CNOT6L: variants seen among roughly 807,000 people sequenced by gnomAD.
The protein encoded by CNOT6L is CCR4-NOT transcription complex subunit 6-like.
Under a neutral mutation model 64.0 loss-of-function variants are expected in CNOT6L, and 7 were observed. The ratio of observed to expected loss-of-function variants is 0.11; its 90% CI spans 0.06 to 0.21. CNOT6L has a LOEUF of 0.21. Ranked by LOEUF, CNOT6L falls within the 10% of genes least tolerant of loss-of-function variation. CNOT6L has a pLI of 1.00. For missense variants in CNOT6L, 245 were observed against 669.0 expected (o/e 0.37, Z 6.99); for synonymous variants, 193 against 243.4 (o/e 0.79, Z 1.93).
intron 8 of CNOT6L, among the ~76,000 whole-genome samples, chr4:77,737,403 G>GTTTTTTTTTTTTTTTTTTTTTTTTTTTTT (rs1723076948): frequency 8.6e-6 from 1 of 116,038 alleles, no homozygotes; most frequent in African/African-American, 3.4e-5. Flanking sequence ...TATTTGTACC[G>GTTTTTTTTTTTTTTTTTTTTTTTTTTTTT]TTCTTTTTTT....
intron 5 of CNOT6L, among the ~76,000 whole-genome samples, chr4:77,753,049 G>A (rs1185193250): frequency 1.3e-5 from 2 of 151,316 alleles, no homozygotes; most frequent in Non-Finnish European, 2.9e-5. Context: ...ACAACTTTCG[G>A]CCCGTAAATT....
intron 11 of CNOT6L, among the ~76,000 whole-genome samples, chr4:77,722,934 A>G (rs1053555779): frequency 1.3e-5 from 2 of 152,002 alleles, no homozygotes; most frequent in Non-Finnish European, 2.9e-5. Context: ...CTATTATTGT[A>G]TAAGTCTATA....
intron 4 of CNOT6L, among the ~76,000 whole-genome samples, chr4:77,760,639 C>T (rs763471856): frequency 3.3e-5 from 5 of 150,442 alleles, no homozygotes; most frequent in Non-Finnish European, 5.9e-5. Flanking sequence ...AAAACTGATA[C>T]ATTTCTCTTT....
At chr4:77,810,842 T>G (rs900163598) in intron 1 of CNOT6L, among the ~76,000 whole-genome samples, 5 of 152,160 alleles carry the variant, frequency 3.3e-5, no homozygotes, top group Non-Finnish European at 5.9e-5. Flanking sequence ...TACTTTTTAC[T>G]TCTAAGAGAT....
At chr4:77,802,222 C>A (rs568198975) in intron 1 of CNOT6L, among the ~76,000 whole-genome samples, 2 of 152,122 alleles carry the variant, frequency 1.3e-5, no homozygotes, top group East Asian at 3.9e-4. Flanking sequence ...ACACCTTATA[C>A]ATACAATATA....
intron 1 of CNOT6L, among the ~76,000 whole-genome samples, chr4:77,804,058 T>C (rs1731934849): frequency 6.6e-6 from 1 of 152,062 alleles, no homozygotes; most frequent in Non-Finnish European, 1.5e-5. Flanking sequence ...AAAACATACG[T>C]CTTCACAAAA....
Position 77,714,351 on chromosome 4 carries a change from TCAC to T in CNOT6L, c.*6077_*6079del, listed in dbSNP as rs1230274812. ...GCACTTGTTATATAGTTGAAAAAAA[TCAC>T]AACAGAAGATATAAATTAATCGATG... is the stretch of plus-strand genomic sequence containing the variant. On this transcript the variant is annotated 3_prime_UTR_variant, in exon 12 of 12. Transcript: ENST00000504123. The T allele has an allele frequency of 1.9e-4, 27 of 141,918 alleles. No individual in the cohort carries two copies. Among genetic ancestry groups the T allele is most frequent in the Admixed American group, 6.6e-4 (9 of 13,680 alleles). The allele number at this position is 141,918 out of a possible 1,614,324, so 8.8% of individuals were successfully genotyped here.
At chr4:77,755,766 A>T (rs1043395176) in intron 5 of CNOT6L, among the ~76,000 whole-genome samples, 1 of 152,160 alleles carries the variant, frequency 6.6e-6, no homozygotes, top group Non-Finnish European at 1.5e-5. Flanking sequence ...AGAGAATTTT[A>T]AAAGAATATA....
At chr4:77,818,346 G>C (rs1381351431) in intron 1 of CNOT6L, among the ~76,000 whole-genome samples, 1 of 152,054 alleles carries the variant, frequency 6.6e-6, no homozygotes, top group Non-Finnish European at 1.5e-5. Context: ...TAGGAGGCAG[G>C]ATAAAACAAT....
intron 1 of CNOT6L, among the ~76,000 whole-genome samples, chr4:77,815,359 T>G (rs1733446400): frequency 6.6e-6 from 1 of 152,092 alleles, no homozygotes; most frequent in Non-Finnish European, 1.5e-5. Flanking sequence ...TCTGAAAAAT[T>G]TATATCTTTA....
At chr4:77,772,902 G>A (rs945781425) in intron 4 of CNOT6L, among the ~76,000 whole-genome samples, 179 bp downstream of exon 4, 12 of 152,104 alleles carry the variant, frequency 7.9e-5, no homozygotes, top group Admixed American at 2.6e-4. Flanking sequence ...CAGCCTGGGC[G>A]ACAGACCAAG....
intron 4 of CNOT6L, among the ~76,000 whole-genome samples, chr4:77,760,753 G>A (rs910441669): frequency 6.7e-5 from 10 of 148,982 alleles, no homozygotes; most frequent in Non-Finnish European, 1.0e-4. Context: ...CTGGAGTGCA[G>A]TGGTGCAATC....
At chr4:77,786,484 T>A (rs75875999) in intron 1 of CNOT6L, among the ~76,000 whole-genome samples, 14 of 151,432 alleles carry the variant, frequency 9.2e-5, no homozygotes, top group East Asian at 5.8e-4. Context: ...TAAAAAAAAA[T>A]TTTTTTTGAG....
intron 11 of CNOT6L, among the ~76,000 whole-genome samples, chr4:77,724,766 G>A (rs1354136141): frequency 6.6e-6 from 1 of 152,006 alleles, no homozygotes; most frequent in African/African-American, 2.4e-5. Context: ...CTTTATCACA[G>A]GTTTTCTGGG....
In CNOT6L at chr4:77,718,289, G is replaced by A. The variant is rs1187317371; in HGVS notation, c.*2142C>T. On this transcript the variant is annotated 3_prime_UTR_variant, in exon 12 of 12. Coordinates refer to ENST00000504123, the MANE Select transcript of CNOT6L (RefSeq NM_144571.3). ...AGCAGAAAACCCACCCAAAACAAAA[G>A]ATCTAAAATAAAACATACAGTAGCT... 6.6e-6 allele frequency: 1 copy of A among 152,438 alleles called. No homozygotes were observed. The highest frequency in any genetic ancestry group is 1.5e-5 in the Non-Finnish European group (1 of 68,000). The allele number at this position is 152,438 out of a possible 1,614,324, so 9.4% of individuals were successfully genotyped here.
chr4:77,761,314 G>A (rs1726201129), intron 4 of CNOT6L, among the ~76,000 whole-genome samples: 1 of 152,046 alleles, frequency 6.6e-6, no homozygotes, highest in Admixed American at 6.6e-5. Flanking sequence ...GACTGCAGGA[G>A]AAAGCTGACA....
chr4:77,788,605 G>A (rs1334696335), intron 1 of CNOT6L, among the ~76,000 whole-genome samples: 1 of 152,112 alleles, frequency 6.6e-6, no homozygotes, highest in East Asian at 1.9e-4. Flanking sequence ...GCATGTGCCT[G>A]TAGTCCCAGC....
intron 5 of CNOT6L, among the ~76,000 whole-genome samples, chr4:77,752,104 T>C (rs760887990): frequency 2.6e-5 from 4 of 151,854 alleles, no homozygotes; most frequent in African/African-American, 9.7e-5. Context: ...AGCCCAGGAG[T>C]TGGAGGCTGC....
chr4:77,751,769 C>G (rs971198838), intron 5 of CNOT6L, among the ~76,000 whole-genome samples: 1 of 152,262 alleles, frequency 6.6e-6, no homozygotes, highest in East Asian at 1.9e-4. Context: ...GAACTGTCAA[C>G]TGGAAATTCT....
Sources: gnomAD v4.1 joint callset for allele counts (sites outside exome capture counted in the v4.1 genomes callset) on GRCh38, gnomAD v4.1.1 for gene constraint, MANE v1.5 for transcripts, NCBI Gene and HGNC (gene_info 2026-07-23, HGNC 2026-07-21) for gene names.